The following ZNF281 variants were observed in gnomAD, a reference collection of about 807,000 sequenced individuals.
ZNF281 encodes the protein zinc finger protein 281, also known as GC-box-binding zinc finger protein 1.
In ZNF281, 2 loss-of-function variants were observed where a neutral mutation model predicts 58.8. That is an observed-to-expected ratio of 0.03 (90% CI 0.01 to 0.11). The LOEUF (loss-of-function observed/expected upper bound fraction) is 0.11. ZNF281 is among the 10% of genes least tolerant of loss of function. The probability of loss-of-function intolerance (pLI) is 1.00; values close to 1 mark genes in which losing one functional copy is unlikely to be tolerated. For missense variants in ZNF281, 975 were observed against 1,090.7 expected (o/e 0.89, Z 1.49); for synonymous variants, 465 against 407.7 (o/e 1.14, Z -1.69).
At position 200,409,194 on chromosome 1, in the gene ZNF281, T is replaced by C. The variant is rs574013915; in HGVS notation, c.512A>G (p.His171Arg). 3.4e-5 allele frequency: 55 copies of C among 1,614,020 alleles called. No homozygotes were observed. The Middle Eastern group carries it at 6.6e-4, about 19-fold the overall frequency. ...AATACTGAGGTCCTGGATGACGCCG[T>C]GACTCCCCCCTTCACCGCCTCCTAG... ...PGLGGGEGGSHGVIQDLSILH... is the reference protein window; with the variant it reads ...PGLGGGEGGSRGVIQDLSILH... Residue 171 changes from histidine (H) to arginine (R), a missense_variant, in exon 2 of 2, where the codon CAC (histidine) becomes CGC (arginine). By Grantham distance (29) the His-to-Arg change is conservative (BLOSUM62 0). Around this residue, in one of 3 missense-constraint regions of ZNF281, gnomAD observed 370 missense variants for 360.9 expected, o/e 1.03. Transcript: ENST00000367353.
chr1:200,409,772 C>T lies in ZNF281; in HGVS notation c.-18-49G>A, dbSNP rs1413204642. On this transcript the variant is annotated intron_variant, in intron 1 of 1. Coordinates refer to ENST00000367353, the MANE Select transcript of ZNF281 (RefSeq NM_001281293.2). The stretch of plus-strand genomic sequence containing the variant: ...GAAGAGGGAGGAAAGGAGGTGGAAC[C>T]GGGCCCCGGGCCGGGACCACCGCAG... The T allele has an allele frequency of 4.6e-6, 7 of 1,523,058 alleles. No individual in the cohort carries two copies. The African/African-American group carries it at 5.5e-5, about 12-fold the overall frequency. 94.3% of individuals were successfully genotyped at this position (1,523,058 alleles called of 1,614,324 possible).
At position 200,406,779 on chromosome 1, in the gene ZNF281, G is replaced by T; in HGVS notation, c.*239C>A. The T allele has an allele frequency of 3.7e-5, 12 of 326,536 alleles. No individual in the cohort carries two copies. Among genetic ancestry groups the T allele is most frequent in the East Asian group, 5.1e-5 (1 of 19,566 alleles). The allele number at this position is 326,536 out of a possible 1,614,324, so 20.2% of individuals were successfully genotyped here. A position where few individuals can be genotyped will look rare whatever the true frequency, so the allele number is the denominator to read the frequency against. On this transcript the variant is annotated 3_prime_UTR_variant, in exon 2 of 2. Coordinates refer to ENST00000367353, the MANE Select transcript of ZNF281 (RefSeq NM_001281293.2). ...CCTGACGATCTATACATGTAAATTT[G>T]ATTGCTAAACATTGTCACTTTGAAT...
intron 1 of ZNF281, 44 bp from the exon 2 acceptor site, chr1:200,409,767 G>T (rs1346677203): frequency 2.6e-6 from 4 of 1,546,188 alleles, no homozygotes; most frequent in Non-Finnish European, 3.5e-6. Context: ...GAAAGGAGGT[G>T]GAACCGGGCC....
rs1654567522 is a variant in ZNF281 at position 200,409,667 on chromosome 1, A to C, written c.39T>G (p.Gly13=). The C allele has an allele frequency of 6.4e-7, 1 of 1,563,140 alleles. No homozygotes were observed. Residue 13 remains glycine, a synonymous_variant, in exon 2 of 2, where the codon GGT becomes GGG. Coordinates refer to ENST00000367353, the MANE Select transcript of ZNF281 (RefSeq NM_001281293.2). ...IGSGFLSGGG[G]TGSSGGSGSG... ...AGCCGCTACCACCGCTACTGCCGGT[A>C]CCTCCGCCGCCACTCAGGAACCCAC...
Position 200,408,376 on chromosome 1 carries a change from C to T in ZNF281, c.1330G>A (p.Val444Met), listed in dbSNP as rs760309808. 25 of 1,614,000 alleles carry T rather than the reference C, an allele frequency of 1.5e-5. No individual in the cohort carries two copies. In the South Asian group the frequency reaches 1.9e-4, roughly 12 times the overall value. The change falls in exon 2 of 2, where the codon GTG (valine) becomes ATG (methionine). Residue 444 changes from valine to methionine, a missense_variant. Around this residue, in one of 3 missense-constraint regions of ZNF281, gnomAD observed 579 missense variants for 608.9 expected, o/e 0.95. Transcript: ENST00000367353. ...CCAATTATGCCTCCACTGGAAGACA[C>T]GGTAGGCATTTCTACTGAGTAACTC... ...MQSYSVEMPT[V>M]SSSGGIIGTG...
At position 200,406,889 on chromosome 1, in the gene ZNF281, A is replaced by G; in HGVS notation, c.*129T>C. 1 of 831,590 alleles carries G rather than the reference A, an allele frequency of 1.2e-6. No homozygotes were observed. The highest frequency in any genetic ancestry group is 1.8e-6 in the Non-Finnish European group (1 of 564,136). The allele number at this position is 831,590 out of a possible 1,614,324, so 51.5% of individuals were successfully genotyped here. A position where few individuals can be genotyped will look rare whatever the true frequency, so the allele number is the denominator to read the frequency against. On this transcript the variant is annotated 3_prime_UTR_variant, in exon 2 of 2. Coordinates refer to ENST00000367353, the MANE Select transcript of ZNF281 (RefSeq NM_001281293.2). ...ATCACGCTAACAAAATAAACTAAAT[A>G]TGAAAAGTTGCATTGAAAGGGCATC... is the stretch of plus-strand genomic sequence containing the variant.
rs766617536 is a variant in ZNF281, at chr1:200,407,372, T to C, written c.2334A>G (p.Ser778=). 25 of 1,614,060 alleles carry C rather than the reference T, an allele frequency of 1.5e-5. No homozygotes were observed. Among genetic ancestry groups the C allele is most frequent in the South Asian group, 8.8e-5 (8 of 91,088 alleles). The change falls in exon 2 of 2, where the codon TCA becomes TCG. Residue 778 remains serine, a synonymous_variant. Transcript: ENST00000367353. ...LIDSQKNLET[S]SAFQSSSQKL... is the part of the protein sequence containing the mutation. ...TCTGAGATGAGGACTGGAAGGCTGA[T>C]GAAGTCTCTAAGTTCTTCTGAGAAT...
chr1:200,406,989 A>C lies in ZNF281; in HGVS notation c.*29T>G, dbSNP rs1654468897. 1.3e-6 allele frequency: 2 copies of C among 1,556,642 alleles called. No homozygotes were observed. The highest frequency in any genetic ancestry group is 8.6e-7 in the Non-Finnish European group (1 of 1,156,828). ...CAAAATAAAACAAAATTACATTAGA[A>C]GACCTCCAGCCTGGCCACTTTTGGG... On this transcript the variant is annotated 3_prime_UTR_variant, in exon 2 of 2. Coordinates refer to ENST00000367353, the MANE Select transcript of ZNF281 (RefSeq NM_001281293.2).
In ZNF281 at chr1:200,406,766, T is replaced by C. The variant is rs1379003985; in HGVS notation, c.*252A>G. The C allele has an allele frequency of 1.1e-5, 4 of 350,232 alleles. No individual in the cohort carries two copies. The highest frequency in any genetic ancestry group is 8.8e-5 in the Admixed American group (2 of 22,804). The allele number at this position is 350,232 out of a possible 1,614,324, so 21.7% of individuals were successfully genotyped here. A position where few individuals can be genotyped will look rare whatever the true frequency, so the allele number is the denominator to read the frequency against. ...ATTTGGGCTATTCCCTGACGATCTA[T>C]ACATGTAAATTTGATTGCTAAACAT... On this transcript the variant is annotated 3_prime_UTR_variant, in exon 2 of 2. Transcript: ENST00000367353.
In ZNF281 at chr1:200,409,311, G is replaced by T. The variant is rs1654542912; in HGVS notation, c.395C>A (p.Pro132His). ...QSLVSIKQEK[P>H]ADPEEQQSHH... ...GGACTGCTGCTCCTCAGGATCCGCG[G>T]GTTTCTCCTGTTTGATGCTAACCAA... The change falls in exon 2 of 2, where the codon CCC (proline) becomes CAC (histidine). Residue 132 changes from proline (P) to histidine (H), a missense_variant. This residue lies in a region of ZNF281 where 370 missense variants were observed against 360.9 expected (regional missense o/e 1.03). Coordinates refer to ENST00000367353, the MANE Select transcript of ZNF281 (RefSeq NM_001281293.2). 2 of 1,597,560 alleles carry T rather than the reference G, an allele frequency of 1.3e-6. No individual in the cohort carries two copies. Among genetic ancestry groups the T allele is most frequent in the Non-Finnish European group, 8.5e-7 (1 of 1,171,554 alleles).
Position 200,410,035 on chromosome 1 carries a change from C to CCTG in ZNF281, c.-109_-108insCAG. On this transcript the variant is annotated 5_prime_UTR_variant, in exon 1 of 2. Transcript: ENST00000367353. ...AATGGAATTAAAAGCCTCCCGTGTA[C>CCTG]TGCGCAGCCGCGGCGCAGTGTCTGC... The CCTG allele has an allele frequency of 2.4e-6, 1 of 424,014 alleles. No homozygotes were observed. Among genetic ancestry groups the CCTG allele is most frequent in the East Asian group, 4.7e-5 (1 of 21,120 alleles). The allele number at this position is 424,014 out of a possible 1,614,324, so 26.3% of individuals were successfully genotyped here.
rs757719042 is a variant in ZNF281, at chr1:200,407,867, T to C, written c.1839A>G (p.Gln613=). Residue 613 remains glutamine (Q), a synonymous_variant, in exon 2 of 2, where the codon CAA becomes CAG. Transcript: ENST00000367353. ...PDEVLQSILD[Q]YSNKSESQKE... ...TCTGGCTTTCTGATTTGTTGGAGTA[T>C]TGATCCAAAATACTTTGTAAAACCT... is the stretch of plus-strand genomic sequence containing the variant. The C allele has an allele frequency of 1.9e-6, 3 of 1,614,138 alleles. No homozygotes were observed. Among genetic ancestry groups the C allele is most frequent in the Non-Finnish European group, 8.5e-7 (1 of 1,180,038 alleles).
Position 200,408,628 on chromosome 1 carries a change from A to G in ZNF281, c.1078T>C (p.Leu360=). 1 of 1,614,180 alleles carries G rather than the reference A, an allele frequency of 6.2e-7. No individual in the cohort carries two copies. Among genetic ancestry groups the G allele is most frequent in the Middle Eastern group, 1.6e-4 (1 of 6,062 alleles). The change falls in exon 2 of 2, where the codon TTG becomes CTG. Residue 360 remains leucine, a synonymous_variant. Coordinates refer to ENST00000367353, the MANE Select transcript of ZNF281 (RefSeq NM_001281293.2). ...CCACATGTGCGCCTGTGCTTCAACA[A>G]TCTATCAGTCCTTGAAAAATACTGT... ...CQQYFSRTDR[L]LKHRRTCGEV...
Position 200,406,397 on chromosome 1 carries a change from G to A in ZNF281, c.*621C>T, listed in dbSNP as rs756260748. ...TTGGAAGTTCAGAGTACATTTAAAA[G>A]CTGCAACAAAATATAGGTAGCCAAC... On this transcript the variant is annotated 3_prime_UTR_variant, in exon 2 of 2. Transcript: ENST00000367353. 6.6e-6 allele frequency: 1 copy of A among 152,536 alleles called. No individual in the cohort carries two copies. Among genetic ancestry groups the A allele is most frequent in the Non-Finnish European group, 1.5e-5 (1 of 68,022 alleles). 9.4% of individuals were successfully genotyped at this position (152,536 alleles called of 1,614,324 possible).
rs770078558 is a variant in ZNF281 at position 200,409,282 on chromosome 1, G to A, written c.424C>T (p.His142Tyr). 10 of 1,612,330 alleles carry A rather than the reference G, an allele frequency of 6.2e-6. No individual in the cohort carries two copies. The highest frequency in any genetic ancestry group is 3.3e-5 in the South Asian group (3 of 90,872). The stretch of plus-strand genomic sequence containing the variant: ...CCATAGTGGTGGTGGTGATGGTGGT[G>A]GTGGGACTGCTGCTCCTCAGGATCC... ...PADPEEQQSH[H>Y]HHHHHHYGGL... Residue 142 changes from histidine (H) to tyrosine (Y), a missense_variant, in exon 2 of 2, where the codon CAC becomes TAC. By Grantham distance (83) the His-to-Tyr change is moderately conservative. Coordinates refer to ENST00000367353, the MANE Select transcript of ZNF281 (RefSeq NM_001281293.2).
At position 200,406,797 on chromosome 1, in the gene ZNF281, C is replaced by T; in HGVS notation, c.*221G>A. The stretch of plus-strand genomic sequence containing the variant: ...TAAATTTGATTGCTAAACATTGTCA[C>T]TTTGAATGTCAAACTATTTTTAATC... On this transcript the variant is annotated 3_prime_UTR_variant, in exon 2 of 2. Transcript: ENST00000367353. The T allele has an allele frequency of 4.9e-6, 2 of 411,874 alleles. No individual in the cohort carries two copies. The allele number at this position is 411,874 out of a possible 1,614,324, so 25.5% of individuals were successfully genotyped here.
Position 200,405,770 on chromosome 1 carries a change from C to T in ZNF281, c.*1248G>A, listed in dbSNP as rs527319362. The T allele has an allele frequency of 6.6e-5, 10 of 152,074 alleles. No homozygotes were observed. Among genetic ancestry groups the T allele is most frequent in the African/African-American group, 2.4e-4 (10 of 41,506 alleles). The allele number at this position is 152,074 out of a possible 1,614,324, so 9.4% of individuals were successfully genotyped here. ...TTACTATAAGCAGACACATTCTTAT[C>T]CCTCACAGGAGTTATGTCACCAGTT... On this transcript the variant is annotated 3_prime_UTR_variant, in exon 2 of 2. Coordinates refer to ENST00000367353, the MANE Select transcript of ZNF281 (RefSeq NM_001281293.2).
At chr1:200,409,751 A>T in intron 1 of ZNF281, 28 bp from the exon 2 acceptor site, 1 of 1,575,788 alleles carries the variant, frequency 6.3e-7, no homozygotes, top group Non-Finnish European at 8.6e-7. Flanking sequence ...AAGAGGGAAG[A>T]GGGAGGAAAG....
At position 200,408,420 on chromosome 1, in the gene ZNF281, G is replaced by A. The variant is rs1422360688; in HGVS notation, c.1286C>T (p.Ser429Leu). The change falls in exon 2 of 2, where the codon TCA (serine) becomes TTA (leucine). Residue 429 changes from serine to leucine, a missense_variant. Transcript: ENST00000367353. ...KTGKTNESQI[S>L]NNINMQSYSV... ...GTAACTCTGCATGTTTATATTATTT[G>A]AAATTTGCGATTCATTTGTTTTACC... The A allele has an allele frequency of 6.2e-7, 1 of 1,613,936 alleles. No homozygotes were observed. The highest frequency in any genetic ancestry group is 1.7e-5 in the Admixed American group (1 of 59,982).
Sources: gnomAD v4.1 joint callset for allele counts on GRCh38, gnomAD v4.1.1 for gene constraint, gnomAD v4.1.1 regional missense constraint, MANE v1.5 for transcripts, NCBI Gene and HGNC (gene_info 2026-07-23, HGNC 2026-07-21) for gene names.